The following CUL2 variants were observed in gnomAD, a reference collection of about 807,000 sequenced individuals.
CUL2 encodes cullin 2.
CUL2 carries 22 observed loss-of-function variants against 110.2 expected under a neutral mutation model. The ratio of observed to expected loss-of-function variants is 0.20; its 90% CI spans 0.14 to 0.28. The LOEUF is 0.28. CUL2 is among the 10% of genes least tolerant of loss of function. CUL2 has a pLI of 1.00. For synonymous variants in CUL2, 279 were observed against 293.2 expected, an observed-to-expected ratio of 0.95 and a Z score of 0.49; for missense variants, 631 against 905.5, an observed-to-expected ratio of 0.70 and a Z score of 3.89.
At chr10:35,022,263 C>T (rs945526891) in intron 17 of CUL2, among the ~76,000 whole-genome samples, 1 of 152,168 alleles carries the variant, frequency 6.6e-6, no homozygotes, top group Non-Finnish European at 1.5e-5. Flanking sequence ...CTTAAGATTA[C>T]ACAGCTAATA....
At chr10:35,094,238 A>AT (rs112549710), upstream of CUL2, among the ~76,000 whole-genome samples, 272 of 147,620 alleles carry the variant, frequency 1.8e-3, 1 homozygote, top group Middle Eastern at 0.014. Context: ...GTCCTCGATA[A>AT]TTTTTTTTTT....
In CUL2 at chr10:35,009,995, A is replaced by C. The variant is rs550449231; in HGVS notation, c.*316T>G. On this transcript the variant is annotated 3_prime_UTR_variant, in exon 21 of 21. Coordinates refer to ENST00000374749, the MANE Select transcript of CUL2 (RefSeq NM_003591.4). ...TTTATGTCCTTTAAGATACATTAAA[A>C]AAAAAAAAAAAGACACATCAACTGC... is the stretch of plus-strand genomic sequence containing the variant. The C allele has an allele frequency of 6.2e-6, 1 of 160,936 alleles. No homozygotes were observed. Among genetic ancestry groups the C allele is most frequent in the South Asian group, 2.0e-4 (1 of 4,920 alleles). The allele number at this position is 160,936 out of a possible 1,614,324, so 10.0% of individuals were successfully genotyped here. A position where few individuals can be genotyped will look rare whatever the true frequency, so the allele number is the denominator to read the frequency against.
intron 1 of CUL2, among the ~76,000 whole-genome samples, chr10:35,119,605 TTTATAG>T (rs1239236670): frequency 6.9e-6 from 1 of 145,140 alleles, no homozygotes; most frequent in African/African-American, 2.6e-5. Context: ...TATTTATTTA[TTTATAG>T]AGACAGGGTC....
intron 5 of CUL2, among the ~76,000 whole-genome samples, chr10:35,052,847 A>T (rs2086146264): frequency 6.6e-6 from 1 of 151,670 alleles, no homozygotes; most frequent in Non-Finnish European, 1.5e-5. Flanking sequence ...GTGAGCCAAG[A>T]TCACACCACT....
chr10:35,093,432 G>T (rs1264233375), upstream of CUL2, among the ~76,000 whole-genome samples: 2 of 151,862 alleles, frequency 1.3e-5, no homozygotes, highest in African/African-American at 4.8e-5. Flanking sequence ...GCTGAGGTGG[G>T]CAGATCTCTT....
chr10:35,071,135 GT>G, intron 2 of CUL2, 63 bp downstream of exon 2: 2 of 1,497,468 alleles, frequency 1.3e-6, no homozygotes, highest in Non-Finnish European at 1.8e-6. Flanking sequence ...CATTGAACAT[GT>G]TCTCAGTTTT....
chr10:35,107,743 G>A (rs1424443447), intron 1 of CUL2, among the ~76,000 whole-genome samples: 1 of 151,678 alleles, frequency 6.6e-6, no homozygotes. Flanking sequence ...TTAGCCAGGC[G>A]TGGTGGCAGG....
chr10:35,104,741 C>T (rs4934724), intron 1 of CUL2, among the ~76,000 whole-genome samples: 44,426 of 151,426 alleles, frequency 0.29, 7,041 homozygotes, highest in South Asian at 0.35. Flanking sequence ...AAAGACTTTT[C>T]TGGGGGGGGG....
chr10:35,112,268 C>A (rs1367784693), intron 1 of CUL2, among the ~76,000 whole-genome samples: 1 of 152,220 alleles, frequency 6.6e-6, no homozygotes, highest in Non-Finnish European at 1.5e-5. Context: ...CTGGATTTAT[C>A]CTTCTGCCTA....
upstream of CUL2, among the ~76,000 whole-genome samples, chr10:35,090,989 T>C (rs1564750216): frequency 6.6e-6 from 1 of 152,262 alleles, no homozygotes; most frequent in African/African-American, 2.4e-5. Context: ...ACTCTTTTTC[T>C]TGTTAGTTTT....
At chr10:35,044,966 C>G (rs756985251) in intron 6 of CUL2, 98 bp from the exon 7 acceptor site, 6 of 773,620 alleles carry the variant, frequency 7.8e-6, no homozygotes, top group Non-Finnish European at 1.3e-5. Context: ...TTCTATTGGT[C>G]TAATCAAAGT....
At chr10:35,030,179 T>C (rs1303646775) in intron 14 of CUL2, among the ~76,000 whole-genome samples, 1 of 152,162 alleles carries the variant, frequency 6.6e-6, no homozygotes, top group Non-Finnish European at 1.5e-5. Context: ...TAGTATCAAA[T>C]GAAAGATTAC....
intron 19 of CUL2, among the ~76,000 whole-genome samples, chr10:35,012,970 T>G (rs907942859): frequency 6.6e-6 from 1 of 152,170 alleles, no homozygotes; most frequent in Non-Finnish European, 1.5e-5. Flanking sequence ...AATCTGCATT[T>G]GAACAAGATG....
At chr10:35,026,791 A>G (rs2085345708) in intron 16 of CUL2, among the ~76,000 whole-genome samples, 1 of 152,228 alleles carries the variant, frequency 6.6e-6, no homozygotes, top group Non-Finnish European at 1.5e-5. Flanking sequence ...AGCAAAGCTT[A>G]TTAGTAAAAA....
rs574011701 is a variant in CUL2 at position 35,107,938 on chromosome 10, A to G, written c.-50-6878T>C. On this transcript the variant is annotated intron_variant, in intron 1 of 5. Transcript: ENST00000685421. ...AGAAGACCTGGTTCCTACTCTTCCT[A>G]AGTTAATTGCTCCTTTTCTGTGTAC... Among the ~76,000 whole-genome samples, 21 of 149,758 alleles carry G rather than the reference A, an allele frequency of 1.4e-4. No homozygotes were observed. The East Asian group carries it at 3.0e-3, about 21-fold the overall frequency.
intron 5 of CUL2, among the ~76,000 whole-genome samples, chr10:35,052,960 A>T (rs2086149983): frequency 6.6e-6 from 1 of 152,186 alleles, no homozygotes; most frequent in Admixed American, 6.5e-5. Flanking sequence ...TCTCTACAGA[A>T]TATTAAGCTT....
intron 5 of CUL2, among the ~76,000 whole-genome samples, chr10:35,052,197 C>T (rs1475902437): frequency 1.3e-5 from 2 of 152,130 alleles, no homozygotes; most frequent in Non-Finnish European, 2.9e-5. Context: ...TTATTCTGAT[C>T]CATTGGTAAT....
intron 2 of CUL2, among the ~76,000 whole-genome samples, chr10:35,066,536 G>T (rs1368341911): frequency 6.6e-6 from 1 of 152,134 alleles, no homozygotes; most frequent in African/African-American, 2.4e-5. Context: ...CTGACCTCAG[G>T]TGATCCACCC....
At chr10:35,044,082 A>G (rs1165070706) in intron 8 of CUL2, among the ~76,000 whole-genome samples, 1 of 147,256 alleles carries the variant, frequency 6.8e-6, no homozygotes, top group Non-Finnish European at 1.5e-5. Flanking sequence ...AAAACACCTC[A>G]CGTGGGGTTG....
Sources: gnomAD v4.1 joint callset for allele counts (sites outside exome capture counted in the v4.1 genomes callset) on GRCh38, gnomAD v4.1.1 for gene constraint, MANE v1.5 for transcripts, NCBI Gene and HGNC (gene_info 2026-07-23, HGNC 2026-07-21) for gene names.